Variants in PASK observed in about 807,000 individuals in gnomAD.
The protein encoded by PASK is PAS domain containing serine/threonine kinase.
PASK carries 110 observed loss-of-function variants against 121.0 expected under a neutral mutation model. The ratio of observed to expected loss-of-function variants is 0.91; its 90% CI spans 0.78 to 1.06. The LOEUF (loss-of-function observed/expected upper bound fraction) is 1.06, where lower values mean the gene tolerates loss of function less well. Among genes scored for constraint, PASK ranks in the 50% least tolerant of loss-of-function variants. The pLI, the probability that PASK is intolerant of heterozygous loss-of-function variation, is 0.00. For synonymous variants in PASK, 686 were observed against 717.8 expected (o/e 0.96, Z 0.71); for missense variants, 1,643 against 1,702.3 (o/e 0.97, Z 0.61).
chr2:241,112,395 G>GA lies in PASK; in HGVS notation c.3377_3378insT (p.Arg1127ProfsTer2). On this transcript the variant is annotated frameshift_variant, in exon 15 of 18. Coordinates refer to ENST00000234040, the MANE Select transcript of PASK (RefSeq NM_015148.4). LOFTEE classifies it high-confidence loss of function. This position sits in a 1 kb window ranked among gnomAD's most constrained non-coding sequence, Gnocchi z 5.2. ...CGATGTTCTCATCCTTGATGTCACG[G>GA]TGGATGATGTCCTTCAAGCGCAGGT... 6.2e-7 allele frequency: 1 copy of GA among 1,613,800 alleles called. No individual in the cohort carries two copies. Among genetic ancestry groups the GA allele is most frequent in the East Asian group, 2.2e-5 (1 of 44,876 alleles).
At chr2:241,132,572 G>C (rs1183633866) in intron 9 of PASK, among the ~76,000 whole-genome samples, 1 of 130,358 alleles carries the variant, frequency 7.7e-6, no homozygotes, top group African/African-American at 2.8e-5. Flanking sequence ...ATAAAATTAT[G>C]ATTCCATCAG....
In PASK at chr2:241,122,713, C is replaced by A; in HGVS notation, c.3072+19G>T. Reference sequence around the variant, plus strand: ...GTGAAGTGGTGCCCGGCGCCACTCCCCCCCCACAGCCAGGTTACCTCCTTG... The same window carrying A: ...GTGAAGTGGTGCCCGGCGCCACTCCACCCCCACAGCCAGGTTACCTCCTTG... On this transcript the variant is annotated intron_variant, in intron 12 of 17. Coordinates refer to ENST00000234040, the MANE Select transcript of PASK (RefSeq NM_015148.4). The A allele has an allele frequency of 6.2e-7, 1 of 1,612,568 alleles. No individual in the cohort carries two copies. The highest frequency in any genetic ancestry group is 8.5e-7 in the Non-Finnish European group (1 of 1,178,604).
intron 11 of PASK, 109 bp downstream of exon 11, chr2:241,123,840 C>T (rs1034934552): frequency 1.4e-5 from 12 of 850,530 alleles, no homozygotes; most frequent in Admixed American, 4.5e-5. Context: ...AAAAAAGCTA[C>T]AAACAGACTG....
At chr2:241,111,430 T>G (rs2065108290) in intron 15 of PASK, among the ~76,000 whole-genome samples, 1 of 152,202 alleles carries the variant, frequency 6.6e-6, no homozygotes, top group African/African-American at 2.4e-5. Flanking sequence ...CTAAAATACA[T>G]GTAGGTGTTA....
At chr2:241,109,564 AG>A (rs1491170239) in intron 15 of PASK, 1 of 145,054 alleles carries the variant, frequency 6.9e-6, no homozygotes, top group African/African-American at 2.6e-5. Flanking sequence ...AGGGGAGGGG[AG>A]GGCTCAAGAG....
At position 241,138,733 on chromosome 2, in the gene PASK, C is replaced by A. The variant is rs143641186; in HGVS notation, c.662G>T (p.Arg221Leu). Reference protein sequence around the residue: ...IPVSVWMKRMRQERRLCCVVV... With the variant: ...IPVSVWMKRMLQERRLCCVVV... ...CACGCAGCATAGGCGGCGCTCCTGCCGCATCCTCTTCATCCACACAGACAC... is the reference window on the plus strand; with the variant it reads ...CACGCAGCATAGGCGGCGCTCCTGCAGCATCCTCTTCATCCACACAGACAC... Residue 221 changes from arginine to leucine, a missense_variant, in exon 5 of 18, where the codon CGG (arginine) becomes CTG (leucine). Coordinates refer to ENST00000234040, the MANE Select transcript of PASK (RefSeq NM_015148.4). 6.2e-7 allele frequency: 1 copy of A among 1,613,984 alleles called. No individual in the cohort carries two copies. The highest frequency in any genetic ancestry group is 1.7e-5 in the Admixed American group (1 of 60,014).
At chr2:241,123,517 T>C (rs190851314) in intron 11 of PASK, among the ~76,000 whole-genome samples, 1 of 151,710 alleles carries the variant, frequency 6.6e-6, no homozygotes, top group East Asian at 2.0e-4. Flanking sequence ...TAAAAGACAG[T>C]GTGAAAAGTT....
At position 241,126,231 on chromosome 2, in the gene PASK, G is replaced by C; in HGVS notation, c.2684C>G (p.Ser895Cys). 6.2e-7 allele frequency: 1 copy of C among 1,614,028 alleles called. No individual in the cohort carries two copies. The highest frequency in any genetic ancestry group is 8.5e-7 in the Non-Finnish European group (1 of 1,180,022). The change falls in exon 10 of 18, where the codon TCC (serine) becomes TGC (cysteine). Residue 895 changes from serine to cysteine, a missense_variant. Ser to Cys is a moderately radical substitution (Grantham distance 112). This residue lies in a region of PASK where 1,176 missense variants were observed against 1,162.2 expected (regional missense o/e 1.01). Coordinates refer to ENST00000234040, the MANE Select transcript of PASK (RefSeq NM_015148.4). The stretch of plus-strand genomic sequence containing the variant: ...GCCATCTCGATGGTAGCAGCTCCCG[G>C]AGTAGGCACCCTCCTGGATCTCCCG... The part of the protein sequence containing the change: ...LQREIQEGAY[S>C]GSCYHRDGLR...
chr2:241,125,781 A>G (rs1027890528), intron 10 of PASK, among the ~76,000 whole-genome samples: 1 of 152,138 alleles, frequency 6.6e-6, no homozygotes, highest in African/African-American at 2.4e-5. Context: ...GCATCTCACC[A>G]CGCTCACATC....
chr2:241,139,898 A>C lies in PASK; in HGVS notation c.587T>G (p.Val196Gly). 6.2e-7 allele frequency: 1 copy of C among 1,614,102 alleles called. No homozygotes were observed. Among genetic ancestry groups the C allele is most frequent in the Non-Finnish European group, 8.5e-7 (1 of 1,179,998 alleles). ...HMEADGHAAV[V>G]FGTVVDIISR... ...GCATCCACTCACCACCGTGCCAAACACCACCGCAGCGTGGCCGTCGGCCTC... is the reference window on the plus strand; with the variant it reads ...GCATCCACTCACCACCGTGCCAAACCCCACCGCAGCGTGGCCGTCGGCCTC... Residue 196 changes from valine (V) to glycine (G), a missense_variant, in exon 4 of 18, where the codon GTG (valine) becomes GGG (glycine). Physicochemically the swap from Val to Gly is moderately radical, Grantham distance 109. Around this residue, in one of 3 missense-constraint regions of PASK, gnomAD observed 1,176 missense variants for 1,162.2 expected, o/e 1.01. Coordinates refer to ENST00000234040, the MANE Select transcript of PASK (RefSeq NM_015148.4).
At position 241,140,198 on chromosome 2, in the gene PASK, T is replaced by TGGCGCAATCAGAGCTCACTGCAGC. The variant is rs202027540; in HGVS notation, c.430-167_430-144dup. On this transcript the variant is annotated intron_variant, in intron 3 of 17. Transcript: ENST00000234040. ...CTCTGTTGCCCAGGCTGGAGTGCAG[T>TGGCGCAATCAGAGCTCACTGCAGC]GGCGCAATCAGAGCTCACTGCAGCG... The TGGCGCAATCAGAGCTCACTGCAGC allele has an allele frequency of 1.4e-5, 10 of 729,732 alleles. 1 individual carries two copies. Among genetic ancestry groups the TGGCGCAATCAGAGCTCACTGCAGC allele is most frequent in the Admixed American group, 8.5e-5 (4 of 47,266 alleles). 45.2% of individuals were successfully genotyped at this position (729,732 alleles called of 1,614,324 possible). A position where few individuals can be genotyped will look rare whatever the true frequency, so the allele number is the denominator to read the frequency against.
chr2:241,147,397 T>A (rs1187240357), intron 1 of PASK, among the ~76,000 whole-genome samples: 1 of 152,112 alleles, frequency 6.6e-6, no homozygotes, highest in East Asian at 1.9e-4. Context: ...CCAGGCAGAT[T>A]ACTTGAGCCC....
intron 12 of PASK, among the ~76,000 whole-genome samples, chr2:241,121,499 A>T (rs2065609827): frequency 6.6e-6 from 1 of 152,244 alleles, no homozygotes; most frequent in African/African-American, 2.4e-5. Context: ...AAACATCTAG[A>T]TTTAGATTAT....
rs145854298 is a variant in PASK, at chr2:241,148,637, G to A, written c.-43+777C>T. On this transcript the variant is annotated intron_variant, in intron 1 of 17. Coordinates refer to ENST00000234040, the MANE Select transcript of PASK (RefSeq NM_015148.4). ...TTTATCCCCAAAATGAACTTTTAAG[G>A]ATTCAATGCTTAGGAGTAACATGGC... Among the ~76,000 whole-genome samples, 992 of 152,322 alleles carry A rather than the reference G, an allele frequency of 6.5e-3. 10 individuals carry two copies. The highest frequency in any genetic ancestry group is 0.022 in the African/African-American group (918 of 41,566).
At position 241,132,918 on chromosome 2, in the gene PASK, A is replaced by C. The variant is rs534242044; in HGVS notation, c.1419T>G (p.Ala473=). The C allele has an allele frequency of 6.2e-7, 1 of 1,614,060 alleles. No homozygotes were observed. The highest frequency in any genetic ancestry group is 1.7e-5 in the Admixed American group (1 of 60,020). ...IFTGTQTELI[A]GGQLLSCLSP... Reference sequence around the variant, plus strand: ...AGAGGCAGGAAAGGAGCTGGCCTCCAGCAATCAGCTCAGTCTGAGTCCCGG... The same window carrying C: ...AGAGGCAGGAAAGGAGCTGGCCTCCCGCAATCAGCTCAGTCTGAGTCCCGG... Residue 473 remains alanine, a synonymous_variant, in exon 9 of 18, where the codon GCT becomes GCG. Transcript: ENST00000234040.
At chr2:241,136,430 C>T (rs1449610195) in intron 7 of PASK, among the ~76,000 whole-genome samples, 2 of 152,156 alleles carry the variant, frequency 1.3e-5, no homozygotes, top group Non-Finnish European at 2.9e-5. Context: ...GTGGGGCCTT[C>T]CTCCCAGGCC....
chr2:241,124,003 C>G lies in PASK; in HGVS notation c.2850G>C (p.Leu950=), dbSNP rs2065742676. The part of the protein sequence containing the change: ...AARTRLFLAS[L]PGSTHSTAAE... Reference sequence around the variant, plus strand: ...CAGCGGTAGAGTGGGTGGAGCCGGGCAGGCTGGCAAGGAACAGGCGGGTCC... The same window carrying G: ...CAGCGGTAGAGTGGGTGGAGCCGGGGAGGCTGGCAAGGAACAGGCGGGTCC... Residue 950 remains leucine (L), a synonymous_variant, in exon 11 of 18, where the codon CTG becomes CTC. Coordinates refer to ENST00000234040, the MANE Select transcript of PASK (RefSeq NM_015148.4). The G allele has an allele frequency of 1.2e-6, 2 of 1,613,844 alleles. No homozygotes were observed. Among genetic ancestry groups the G allele is most frequent in the African/African-American group, 1.3e-5 (1 of 74,914 alleles).
intron 12 of PASK, among the ~76,000 whole-genome samples, chr2:241,119,730 A>C (rs1328218424): frequency 6.6e-6 from 1 of 152,076 alleles, no homozygotes; most frequent in Non-Finnish European, 1.5e-5. Context: ...TTGGCCTCCC[A>C]AAGTGCTGGG....
chr2:241,145,919 A>C (rs1024637610), intron 1 of PASK: 1 of 150,580 alleles, frequency 6.6e-6, no homozygotes, highest in Admixed American at 6.7e-5. Flanking sequence ...GCCTGGCGAC[A>C]CAGCGAGACT....
Sources: allele counts gnomAD v4.1 joint callset (sites outside exome capture counted in the v4.1 genomes callset), GRCh38; gene constraint gnomAD v4.1.1; regional missense constraint gnomAD v4.1.1; non-coding constraint Gnocchi (gnomAD v3.1); transcripts MANE v1.5; gene names NCBI Gene and HGNC (gene_info 2026-07-23, HGNC 2026-07-21).